Variants in SPPL2A observed in about 807,000 individuals in gnomAD.
SPPL2A encodes signal peptide peptidase-like 2A.
In SPPL2A, 51 loss-of-function variants were observed where a neutral mutation model predicts 63.8. That is an observed-to-expected ratio of 0.80 (90% CI 0.64 to 1.01). SPPL2A has a LOEUF of 1.01. Ranked by LOEUF, SPPL2A falls within the 50% of genes least tolerant of loss-of-function variation. The probability of loss-of-function intolerance (pLI) is 0.00; values close to 1 mark genes in which losing one functional copy is unlikely to be tolerated. For synonymous variants in SPPL2A, 188 were observed against 205.8 expected (o/e 0.91, Z 0.74); for missense variants, 553 against 622.7 (o/e 0.89, Z 1.19).
At chr15:50,743,832 A>G (rs1229320442) in intron 5 of SPPL2A, among the ~76,000 whole-genome samples, 1 of 152,172 alleles carries the variant, frequency 6.6e-6, no homozygotes, top group Non-Finnish European at 1.5e-5. Context: ...CCTAAGTAAT[A>G]TACAAAATGA....
At chr15:50,738,873 T>C (rs1241091916) in intron 6 of SPPL2A, among the ~76,000 whole-genome samples, 2 of 152,162 alleles carry the variant, frequency 1.3e-5, no homozygotes, top group Non-Finnish European at 1.5e-5. Context: ...AGTACCTGTG[T>C]GTCTTCAGAT....
intron 8 of SPPL2A, among the ~76,000 whole-genome samples, chr15:50,734,198 GT>G (rs1049198979): frequency 6.6e-6 from 1 of 152,166 alleles, no homozygotes; most frequent in Non-Finnish European, 1.5e-5. Context: ...GAACTCTCAT[GT>G]TTATTGCAGC....
chr15:50,760,771 T>C (rs1475042620), intron 1 of SPPL2A, among the ~76,000 whole-genome samples: 1 of 152,126 alleles, frequency 6.6e-6, no homozygotes, highest in Admixed American at 6.6e-5. Context: ...TCTTACTGCC[T>C]GGGTAGCAGA....
intron 1 of SPPL2A, among the ~76,000 whole-genome samples, chr15:50,764,140 G>A (rs1228338429): frequency 6.6e-6 from 1 of 152,204 alleles, no homozygotes; most frequent in Non-Finnish European, 1.5e-5. Context: ...GGATTAGTAC[G>A]AATGTGATAT....
In SPPL2A at chr15:50,750,241, C is replaced by T. The variant is rs116647538; in HGVS notation, c.67-495G>A. Among the ~76,000 whole-genome samples, 649 of 152,248 alleles carry T rather than the reference C, an allele frequency of 4.3e-3. 4 individuals carry two copies. Among genetic ancestry groups the T allele is most frequent in the African/African-American group, 0.015 (620 of 41,554 alleles). ...GCCTCAGCCTCCCAAGTAGTTGGTACTACAGGCGCGTGTTACCATGCCCAG... is the reference window on the plus strand; with the variant it reads ...GCCTCAGCCTCCCAAGTAGTTGGTATTACAGGCGCGTGTTACCATGCCCAG... On this transcript the variant is annotated intron_variant, in intron 1 of 14. Transcript: ENST00000261854.
At chr15:50,762,980 T>A (rs1328335068) in intron 1 of SPPL2A, among the ~76,000 whole-genome samples, 1 of 151,032 alleles carries the variant, frequency 6.6e-6, no homozygotes, top group African/African-American at 2.4e-5. Flanking sequence ...CCTGACCTTG[T>A]GATCCACCCA....
chr15:50,720,125 A>G, intron 13 of SPPL2A, 25 bp from the exon 14 acceptor site: 1 of 1,585,230 alleles, frequency 6.3e-7, no homozygotes, highest in Non-Finnish European at 8.6e-7. Flanking sequence ...CCAAGCTATA[A>G]GTCATTTCTA....
chr15:50,765,335 G>C (rs1404963047), intron 1 of SPPL2A, 133 bp downstream of exon 1: 1 of 555,864 alleles, frequency 1.8e-6, no homozygotes, highest in Admixed American at 4.0e-5. Flanking sequence ...GGGGAGGAAA[G>C]AGGAGTGCGA....
At chr15:50,736,554 A>C (rs994017140) in intron 7 of SPPL2A, 90 bp downstream of exon 7, 20 of 704,318 alleles carry the variant, frequency 2.8e-5, no homozygotes, top group African/African-American at 2.3e-4. Context: ...TGTATATTGG[A>C]CTATATAGGT....
At chr15:50,754,604 T>C (rs547468399) in intron 1 of SPPL2A, among the ~76,000 whole-genome samples, 34 of 152,294 alleles carry the variant, frequency 2.2e-4, no homozygotes, top group African/African-American at 8.2e-4. Context: ...ATAGTCTTAC[T>C]GGGGAGATTA....
chr15:50,758,288 CAA>C (rs1285769977), intron 1 of SPPL2A, among the ~76,000 whole-genome samples: 6 of 112,860 alleles, frequency 5.3e-5, no homozygotes, highest in Admixed American at 2.7e-4. Flanking sequence ...GACTCCATCT[CAA>C]AAAAAAAAAA....
At chr15:50,759,346 CGAGG>C (rs1156613390) in intron 1 of SPPL2A, among the ~76,000 whole-genome samples, 1 of 151,932 alleles carries the variant, frequency 6.6e-6, no homozygotes, top group Non-Finnish European at 1.5e-5. Context: ...TTTGAGAGGC[CGAGG>C]TAGGAGGACT....
chr15:50,718,325 A>C (rs962051140), intron 14 of SPPL2A, among the ~76,000 whole-genome samples: 1 of 152,122 alleles, frequency 6.6e-6, no homozygotes, highest in Non-Finnish European at 1.5e-5. Context: ...TTCCAACTTG[A>C]TCATCTTGTA....
rs769908419 is a variant in SPPL2A, at chr15:50,731,014, A to T, written c.1040T>A (p.Leu347His). Reference protein sequence around the residue: ...FKSCVILLGLLLLYDVFFVFI... With the variant: ...FKSCVILLGLHLLYDVFFVFI... ...AACAAAAAATACATCATAGAGGAGGAGAAGGCCTAGAAGTATCACACATGA... is the reference window on the plus strand; with the variant it reads ...AACAAAAAATACATCATAGAGGAGGTGAAGGCCTAGAAGTATCACACATGA... Residue 347 changes from leucine to histidine, a missense_variant, in exon 10 of 15, where the codon CTC becomes CAC. Physicochemically the swap from Leu to His is moderately conservative, Grantham distance 99 (BLOSUM62 -3). Coordinates refer to ENST00000261854, the MANE Select transcript of SPPL2A (RefSeq NM_032802.4). 1 of 1,497,508 alleles carries T rather than the reference A, an allele frequency of 6.7e-7. No homozygotes were observed. Among genetic ancestry groups the T allele is most frequent in the South Asian group, 1.1e-5 (1 of 87,826 alleles). The allele number at this position is 1,497,508 out of a possible 1,614,324, so 92.8% of individuals were successfully genotyped here. A position where few individuals can be genotyped will look rare whatever the true frequency, so the allele number is the denominator to read the frequency against.
At chr15:50,735,856 C>T (rs1178572241) in intron 8 of SPPL2A, among the ~76,000 whole-genome samples, 1 of 152,094 alleles carries the variant, frequency 6.6e-6, no homozygotes, top group African/African-American at 2.4e-5. Flanking sequence ...GGATTACAGG[C>T]GTGAAATTAA....
chr15:50,760,895 T>TCCC, intron 1 of SPPL2A, among the ~76,000 whole-genome samples: 2 of 152,182 alleles, frequency 1.3e-5, no homozygotes, highest in African/African-American at 4.8e-5. Flanking sequence ...AACAGATTTT[T>TCCC]CTGCTGGGGA....
At chr15:50,714,282 G>C (rs1457413445) in intron 14 of SPPL2A, among the ~76,000 whole-genome samples, 1 of 152,206 alleles carries the variant, frequency 6.6e-6, no homozygotes, top group African/African-American at 2.4e-5. Context: ...TTATTACTTA[G>C]TGACTAGCAA....
At position 50,765,606 on chromosome 15, in the gene SPPL2A, C is replaced by A; in HGVS notation, c.-73G>T. 1 of 1,079,442 alleles carries A rather than the reference C, an allele frequency of 9.3e-7. No homozygotes were observed. 66.9% of individuals were successfully genotyped at this position (1,079,442 alleles called of 1,614,324 possible). On this transcript the variant is annotated 5_prime_UTR_variant, in exon 1 of 15. Transcript: ENST00000261854. Reference sequence around the variant, plus strand: ...TCGGCGGGGTAGGCTCGGAGTCCCGCCGCTGCGCTGCCTCCGTGGCCGGAC... The same window carrying A: ...TCGGCGGGGTAGGCTCGGAGTCCCGACGCTGCGCTGCCTCCGTGGCCGGAC...
intron 5 of SPPL2A, among the ~76,000 whole-genome samples, chr15:50,744,859 G>T (rs2062846675): frequency 6.6e-6 from 1 of 152,088 alleles, no homozygotes; most frequent in Non-Finnish European, 1.5e-5. Context: ...TGGCTATGGG[G>T]GCAGTAGGGT....
Sources: allele counts gnomAD v4.1 joint callset (sites outside exome capture counted in the v4.1 genomes callset), GRCh38; gene constraint gnomAD v4.1.1; transcripts MANE v1.5; gene names NCBI Gene and HGNC (gene_info 2026-07-23, HGNC 2026-07-21).